Variants in PPARGC1A observed in about 807,000 individuals in gnomAD.
The protein encoded by PPARGC1A is PPARG coactivator 1 alpha.
A neutral mutation model predicts 88.7 loss-of-function variants in PPARGC1A; 25 were observed. The observed-to-expected ratio is 0.28, with a 90% CI of 0.21 to 0.39. The LOEUF is 0.39. Ranked by LOEUF, PPARGC1A falls within the 10% of genes least tolerant of loss-of-function variation. The probability of loss-of-function intolerance (pLI) is 1.00; values close to 1 mark genes in which losing one functional copy is unlikely to be tolerated. For missense variants in PPARGC1A, 880 were observed against 968.7 expected (o/e 0.91, Z 1.22); for synonymous variants, 363 against 355.6 (o/e 1.02, Z -0.24).
chr4:23,868,466 C>T (rs548673937), intron 2 of PPARGC1A, among the ~76,000 whole-genome samples: 77 of 152,212 alleles, frequency 5.1e-4, no homozygotes, highest in African/African-American at 1.8e-3. Context: ...TGGTAGAGCC[C>T]CTGTAAATCT....
the PPARGC1A span, among the ~76,000 whole-genome samples, chr4:24,054,308 TAA>T: frequency 4.1e-3 from 556 of 134,858 alleles, 1 homozygote; most frequent in South Asian, 0.011. Flanking sequence ...ATCCTTCTTG[TAA>T]AAAAAAAAAA....
In PPARGC1A at chr4:23,813,904, C is replaced by T. The variant is rs759962059; in HGVS notation, c.1579G>A (p.Gly527Ser). ...ESDKLSYPWDGTQSYSLFNVS... is the reference protein window; with the variant it reads ...ESDKLSYPWDSTQSYSLFNVS... Reference sequence around the variant, plus strand: ...TTGAACAATGAATAGGATTGCGTGCCATCCCAAGGGTAGCTCAGTTTATCA... The same window carrying T: ...TTGAACAATGAATAGGATTGCGTGCTATCCCAAGGGTAGCTCAGTTTATCA... Residue 527 changes from glycine (G) to serine (S), a missense_variant, in exon 8 of 13, where the codon GGC (glycine) becomes AGC (serine). By Grantham distance (56) the Gly-to-Ser change is moderately conservative (BLOSUM62 0). Transcript: ENST00000264867. The T allele has an allele frequency of 5.6e-6, 9 of 1,613,734 alleles. No individual in the cohort carries two copies. In the African/African-American group the frequency reaches 8.0e-5, roughly 14 times the overall value.
At chr4:24,169,886 A>G in the PPARGC1A span, among the ~76,000 whole-genome samples, 1 of 152,194 alleles carries the variant, frequency 6.6e-6, no homozygotes, top group South Asian at 2.1e-4. Flanking sequence ...TGACACATAA[A>G]CTATTTTACA....
rs577575652 is a variant in PPARGC1A at position 23,794,853 on chromosome 4, C to T, written c.*969G>A. 1.3e-5 allele frequency: 2 copies of T among 152,416 alleles called. No homozygotes were observed. The highest frequency in any genetic ancestry group is 2.9e-5 in the Non-Finnish European group (2 of 67,996). 9.4% of individuals were successfully genotyped at this position (152,416 alleles called of 1,614,324 possible). ...CCCGGTGTCCGCTCCTCAGAAAGAACCGCTGAACAAGCTGCACGCTTGACC... is the reference window on the plus strand; with the variant it reads ...CCCGGTGTCCGCTCCTCAGAAAGAATCGCTGAACAAGCTGCACGCTTGACC... On this transcript the variant is annotated 3_prime_UTR_variant, in exon 13 of 13. Transcript: ENST00000264867.
the PPARGC1A span, among the ~76,000 whole-genome samples, chr4:24,065,985 C>T: frequency 6.6e-6 from 1 of 152,180 alleles, no homozygotes; most frequent in African/African-American, 2.4e-5. Context: ...TTCCCACCAA[C>T]CTTGGGAATC....
chr4:24,030,724 G>T, the PPARGC1A span, among the ~76,000 whole-genome samples: 1 of 152,094 alleles, frequency 6.6e-6, no homozygotes, highest in Non-Finnish European at 1.5e-5. Context: ...GACCTCAGCT[G>T]AAAAACTGCC....
the PPARGC1A span, among the ~76,000 whole-genome samples, chr4:24,471,200 G>A: frequency 1.3e-4 from 20 of 152,038 alleles, no homozygotes; most frequent in African/African-American, 4.6e-4. The surrounding 1 kb of genome is among the most constrained non-coding windows in gnomAD (Gnocchi z 5.4). Flanking sequence ...GCTCCGCGGG[G>A]CCCGGGAATC....
At chr4:23,940,858 C>T in the PPARGC1A span, among the ~76,000 whole-genome samples, 1 of 152,128 alleles carries the variant, frequency 6.6e-6, no homozygotes. Context: ...AAGATTATCC[C>T]CTTCCAGACT....
At chr4:24,241,391 T>C in the PPARGC1A span, among the ~76,000 whole-genome samples, 5 of 152,330 alleles carry the variant, frequency 3.3e-5, no homozygotes, top group South Asian at 1.0e-3. Context: ...AGGGGTAACA[T>C]TTTAATCTTC....
At chr4:24,462,221 G>T in the PPARGC1A span, among the ~76,000 whole-genome samples, 2,626 of 151,400 alleles carry the variant, frequency 0.017, 35 homozygotes, top group Middle Eastern at 0.059. Context: ...AAGTAGCTGG[G>T]ATTACAGGTG....
chr4:24,201,673 T>G, the PPARGC1A span, among the ~76,000 whole-genome samples: 3 of 152,350 alleles, frequency 2.0e-5, no homozygotes, highest in African/African-American at 4.8e-5. Context: ...ATTATCCTTA[T>G]GAAATAGAAA....
chr4:24,159,878 A>G, the PPARGC1A span, among the ~76,000 whole-genome samples: 8 of 152,226 alleles, frequency 5.3e-5, no homozygotes, highest in Non-Finnish European at 5.9e-5. Context: ...TTAGCTGGGA[A>G]GTCAGTGGGA....
At chr4:24,106,604 T>C in the PPARGC1A span, among the ~76,000 whole-genome samples, 1 of 152,200 alleles carries the variant, frequency 6.6e-6, no homozygotes, top group East Asian at 1.9e-4. Context: ...TCTCTGTCCC[T>C]CCCTGTATCT....
chr4:23,868,557 C>T (rs1301067960), intron 2 of PPARGC1A, among the ~76,000 whole-genome samples: 1 of 152,142 alleles, frequency 6.6e-6, no homozygotes, highest in African/African-American at 2.4e-5. Flanking sequence ...GTCCCTCTTT[C>T]CCTCATGCAG....
chr4:24,090,969 C>T, the PPARGC1A span, among the ~76,000 whole-genome samples: 1 of 152,214 alleles, frequency 6.6e-6, no homozygotes, highest in African/African-American at 2.4e-5. Context: ...TACCACAGAG[C>T]TTCTACCTAT....
chr4:24,459,012 T>C, the PPARGC1A span, among the ~76,000 whole-genome samples: 6 of 152,308 alleles, frequency 3.9e-5, no homozygotes, highest in South Asian at 1.2e-3. Context: ...TTCTTCTTTT[T>C]TCAACTTTTC....
At chr4:23,895,942 G>A (rs1718518187) in intron 1 of PPARGC1A, among the ~76,000 whole-genome samples, 1 of 59,310 alleles carries the variant, frequency 1.7e-5, no homozygotes, top group East Asian at 3.4e-4. Flanking sequence ...AGAGATGTGT[G>A]TGTGTGTGTG....
the PPARGC1A span, among the ~76,000 whole-genome samples, chr4:24,380,095 CAATAA>C: frequency 6.6e-6 from 1 of 151,756 alleles, no homozygotes; most frequent in African/African-American, 2.4e-5. Context: ...AAATCCTTAA[CAATAA>C]AATATATAGT....
chr4:24,203,980 T>A, the PPARGC1A span, among the ~76,000 whole-genome samples: 1 of 152,368 alleles, frequency 6.6e-6, no homozygotes, highest in Non-Finnish European at 1.5e-5. Flanking sequence ...TTGCTTATTA[T>A]AGATATTGAA....
Sources: allele counts gnomAD v4.1 joint callset (sites outside exome capture counted in the v4.1 genomes callset), GRCh38; gene constraint gnomAD v4.1.1; non-coding constraint Gnocchi (gnomAD v3.1); transcripts MANE v1.5; gene names NCBI Gene and HGNC (gene_info 2026-07-23, HGNC 2026-07-21).